ETFA: variants seen among roughly 807,000 people sequenced by gnomAD.
ETFA encodes electron transfer flavoprotein subunit alpha.
Under a neutral mutation model 46.2 loss-of-function variants are expected in ETFA, and 22 were observed. The ratio of observed to expected loss-of-function variants is 0.48; its 90% CI spans 0.34 to 0.68. ETFA has a LOEUF of 0.68. Among genes scored for constraint, ETFA ranks in the 30% least tolerant of loss-of-function variants. ETFA has a pLI of 0.01. For synonymous variants in ETFA, 131 were observed against 139.9 expected (o/e 0.94, Z 0.45); for missense variants, 345 against 401.1 (o/e 0.86, Z 1.19).
rs554090378 is a variant in ETFA, at chr15:76,280,341, C to T, written c.733+3416G>A. On this transcript the variant is annotated intron_variant, in intron 8 of 11. Transcript: ENST00000557943. ...TCCTTATCTCAGCTAACTGTAACTC[C>T]ATCCTACCACTCGCCAGGAAAAATA... Among the ~76,000 whole-genome samples the T allele has an allele frequency of 2.6e-5, 4 of 152,296 alleles. No homozygotes were observed. In the East Asian group the frequency reaches 7.7e-4, roughly 29 times the overall value.
intron 1 of ETFA, among the ~76,000 whole-genome samples, chr15:76,308,202 A>G (rs2141559933): frequency 6.6e-6 from 1 of 152,364 alleles, no homozygotes; most frequent in East Asian, 1.9e-4. Context: ...GAAATAGAAA[A>G]TCACCATTTT....
At chr15:76,291,567 A>G (rs2039762841) in intron 4 of ETFA, among the ~76,000 whole-genome samples, 1 of 151,608 alleles carries the variant, frequency 6.6e-6, no homozygotes, top group Admixed American at 6.6e-5. Context: ...TGGCTAACAC[A>G]GTGAAACCCC....
intron 8 of ETFA, among the ~76,000 whole-genome samples, chr15:76,281,207 G>A (rs1222713051): frequency 3.3e-5 from 5 of 152,080 alleles, no homozygotes; most frequent in South Asian, 2.1e-4. Context: ...GTTTCACCAC[G>A]TGGGCCAGAC....
chr15:76,262,990 C>T (rs1396518183), intron 9 of ETFA, among the ~76,000 whole-genome samples: 1 of 152,122 alleles, frequency 6.6e-6, no homozygotes, highest in Admixed American at 6.5e-5. Context: ...CCGGTAGGCA[C>T]CAGTGGCCTT....
intron 8 of ETFA, among the ~76,000 whole-genome samples, chr15:76,280,334 G>C (rs916666547): frequency 6.6e-6 from 1 of 152,086 alleles, no homozygotes; most frequent in Non-Finnish European, 1.5e-5. Flanking sequence ...TCAGCTAACT[G>C]TAACTCCATC....
Position 76,279,296 on chromosome 15 carries a change from G to A in ETFA, c.733+4461C>T, listed in dbSNP as rs1308895821. On this transcript the variant is annotated intron_variant, in intron 8 of 11. Transcript: ENST00000557943. ...ATGCCTTTTATTATTTATTTTTTTA[G>A]AGAGGGTCTTGTTCTGTCACCCAGG... 2.0e-5 allele frequency among the ~76,000 whole-genome samples: 3 copies of A among 152,176 alleles called. No individual in the cohort carries two copies. The East Asian group carries it at 5.8e-4, about 29-fold the overall frequency.
At chr15:76,231,129 G>C in intron 10 of ETFA, 1 of 548,378 alleles carries the variant, frequency 1.8e-6, no homozygotes, top group Non-Finnish European at 3.3e-6. Context: ...CTCAGGTTCA[G>C]GCCTCTTTCC....
chr15:76,295,453 A>G, intron 2 of ETFA, 138 bp downstream of exon 2: 2 of 771,134 alleles, frequency 2.6e-6, no homozygotes, highest in East Asian at 5.0e-5. Flanking sequence ...ACACATGGTA[A>G]TGGTTGTGAC....
chr15:76,241,997 C>T (rs994758214), intron 9 of ETFA, among the ~76,000 whole-genome samples: 3 of 151,526 alleles, frequency 2.0e-5, no homozygotes, highest in Admixed American at 1.3e-4. Context: ...CCACCACGCC[C>T]GGCTAATTTT....
chr15:76,277,881 G>T (rs1270349646), intron 8 of ETFA, among the ~76,000 whole-genome samples: 1 of 152,160 alleles, frequency 6.6e-6, no homozygotes, highest in East Asian at 1.9e-4. Flanking sequence ...ACCAGCTCCT[G>T]TGGAGGTTGC....
At chr15:76,294,661 T>C (rs998282216) in intron 2 of ETFA, among the ~76,000 whole-genome samples, 1 of 152,202 alleles carries the variant, frequency 6.6e-6, no homozygotes, top group Non-Finnish European at 1.5e-5. Flanking sequence ...GTGGTTCTCG[T>C]GCCTCAGCCT....
intron 10 of ETFA, chr15:76,227,832 T>C (rs1432794360): frequency 4.4e-6 from 2 of 455,898 alleles, no homozygotes; most frequent in Non-Finnish European, 8.8e-6. Context: ...CTTAGAGGGG[T>C]TCCTCAGAGA....
intron 9 of ETFA, among the ~76,000 whole-genome samples, chr15:76,272,642 C>T (rs2039549177): frequency 6.6e-6 from 1 of 151,884 alleles, no homozygotes; most frequent in African/African-American, 2.4e-5. Context: ...ATGTGTGTGC[C>T]AGTCAGGCAT....
intron 9 of ETFA, among the ~76,000 whole-genome samples, chr15:76,267,266 C>G (rs543033135): frequency 1.3e-5 from 2 of 152,158 alleles, no homozygotes; most frequent in Admixed American, 6.5e-5. Context: ...ACAACCAAAA[C>G]GCTCACTCTG....
At chr15:76,216,624 A>G in intron 11 of ETFA, 27 bp from the exon 12 acceptor site, 1 of 1,451,236 alleles carries the variant, frequency 6.9e-7, no homozygotes. Context: ...AAAGTAATTA[A>G]GCAACTAGAG....
chr15:76,223,590 A>G (rs2038978348), intron 11 of ETFA, among the ~76,000 whole-genome samples: 1 of 152,230 alleles, frequency 6.6e-6, no homozygotes, highest in African/African-American at 2.4e-5. Context: ...CTAAAAGAAC[A>G]TAAACATGAT....
At chr15:76,305,997 G>C (rs2141557102) in intron 1 of ETFA, among the ~76,000 whole-genome samples, 1 of 151,858 alleles carries the variant, frequency 6.6e-6, no homozygotes, top group East Asian at 1.9e-4. Flanking sequence ...ACAGGCACAT[G>C]ACACTGTGCC....
intron 9 of ETFA, among the ~76,000 whole-genome samples, chr15:76,243,429 T>C (rs1268775906): frequency 6.9e-6 from 1 of 145,176 alleles, no homozygotes. Context: ...TTATTAAAAA[T>C]TATTTACATT....
chr15:76,233,396 CTT>C (rs2039090506), intron 9 of ETFA, among the ~76,000 whole-genome samples: 1 of 129,068 alleles, frequency 7.7e-6, no homozygotes, highest in Non-Finnish European at 1.5e-5. Context: ...ATGGCACAGT[CTT>C]GGCTCACTGC....
Sources: gnomAD v4.1 joint callset for allele counts (sites outside exome capture counted in the v4.1 genomes callset) on GRCh38, gnomAD v4.1.1 for gene constraint, MANE v1.5 for transcripts, NCBI Gene and HGNC (gene_info 2026-07-23, HGNC 2026-07-21) for gene names.